The following CLEC9A variants were observed in gnomAD, a reference collection of about 807,000 sequenced individuals.
CLEC9A encodes C-type lectin domain family 9 member A.
CLEC9A carries 24 observed loss-of-function variants against 30.0 expected under a neutral mutation model. The observed-to-expected ratio is 0.80, with a 90% CI of 0.58 to 1.13. The LOEUF is 1.13. CLEC9A is among the 50% of genes most tolerant of loss of function. The probability of loss-of-function intolerance (pLI) is 0.00; values close to 1 mark genes in which losing one functional copy is unlikely to be tolerated. For synonymous variants in CLEC9A, 111 were observed against 96.8 expected, an observed-to-expected ratio of 1.15 and a Z score of -0.86; for missense variants, 251 against 280.9, an observed-to-expected ratio of 0.89 and a Z score of 0.76.
At chr12:10,043,148 G>C in intron 2 of CLEC9A, 1 of 354,434 alleles carries the variant, frequency 2.8e-6, no homozygotes, top group Admixed American at 3.6e-5. Flanking sequence ...ATAAAGCTTT[G>C]TCTTTATGTC....
rs1406959041 is a variant in CLEC9A, at chr12:10,061,181, A to G, written c.227A>G (p.Glu76Gly). Residue 76 changes from glutamate to glycine, a missense_variant, in exon 6 of 9, where the codon GAG becomes GGG. Physicochemically the swap from Glu to Gly is moderately conservative, Grantham distance 98. Coordinates refer to ENST00000355819, the MANE Select transcript of CLEC9A (RefSeq NM_207345.4). Reference sequence around the variant, plus strand: ...CAGCAAGAAAAACTCATCCAACAAGAGAGGGCACTGCTAAACTTTACAGAA... The same window carrying G: ...CAGCAAGAAAAACTCATCCAACAAGGGAGGGCACTGCTAAACTTTACAGAA... ...MQQQEKLIQQ[E>G]RALLNFTEWK... 1.2e-6 allele frequency: 2 copies of G among 1,613,352 alleles called. No individual in the cohort carries two copies. The highest frequency in any genetic ancestry group is 2.2e-5 in the South Asian group (2 of 90,910).
intron 7 of CLEC9A, among the ~76,000 whole-genome samples, chr12:10,063,949 C>T (rs1205409015): frequency 6.6e-6 from 1 of 151,940 alleles, no homozygotes; most frequent in East Asian, 1.9e-4. Flanking sequence ...TAGAGGTTTG[C>T]AATGAGCCGA....
intron 5 of CLEC9A, among the ~76,000 whole-genome samples, chr12:10,056,956 A>T (rs1865949152): frequency 1.3e-5 from 2 of 152,112 alleles, no homozygotes; most frequent in South Asian, 4.1e-4. Context: ...TACAGGCGTA[A>T]AGTATATTTT....
At chr12:10,050,819 A>G (rs547420624) in intron 2 of CLEC9A, among the ~76,000 whole-genome samples, 4 of 152,298 alleles carry the variant, frequency 2.6e-5, no homozygotes, top group African/African-American at 4.8e-5. Flanking sequence ...TTTCTCCTCA[A>G]GATAGAAGTG....
intron 6 of CLEC9A, 149 bp from the exon 7 acceptor site, chr12:10,062,906 A>G: frequency 4.2e-6 from 2 of 471,394 alleles, no homozygotes; most frequent in Non-Finnish European, 7.1e-6. Context: ...TGAGCCTCAG[A>G]GAAGCTGAAA....
At chr12:10,037,470 TGACTATGAAGAGGCCACC>T (rs148030309) in intron 1 of CLEC9A, among the ~76,000 whole-genome samples, 5,562 of 152,160 alleles carry the variant, frequency 0.037, 255 homozygotes, top group African/African-American at 0.1. Context: ...AGGAGGGCAC[TGACTATGAAGAGGCCACC>T]GACTATGAAG....
chr12:10,044,975 A>G (rs1303948355), intron 2 of CLEC9A, among the ~76,000 whole-genome samples: 1 of 152,246 alleles, frequency 6.6e-6, no homozygotes, highest in African/African-American at 2.4e-5. Context: ...AACAGCCATT[A>G]CAATACAGCA....
rs576159055 is a variant in CLEC9A, at chr12:10,065,711, A to T, written c.*79A>T. On this transcript the variant is annotated 3_prime_UTR_variant, in exon 9 of 9. Coordinates refer to ENST00000355819, the MANE Select transcript of CLEC9A (RefSeq NM_207345.4). ...GAAAACCCACCCCCACCCCCCCTCA[A>T]AAAAACAGAACAGTAAACCAAAATG... 13 of 1,491,094 alleles carry T rather than the reference A, an allele frequency of 8.7e-6. No homozygotes were observed. Among genetic ancestry groups the T allele is most frequent in the Non-Finnish European group, 1.1e-5 (12 of 1,117,594 alleles). 92.4% of individuals were successfully genotyped at this position (1,491,094 alleles called of 1,614,324 possible). A position where few individuals can be genotyped will look rare whatever the true frequency, so the allele number is the denominator to read the frequency against.
chr12:10,031,545 C>G (rs1317632760), intron 1 of CLEC9A, among the ~76,000 whole-genome samples: 1 of 152,150 alleles, frequency 6.6e-6, no homozygotes, highest in Non-Finnish European at 1.5e-5. Flanking sequence ...TGCTAATGGT[C>G]TTCGATATTG....
intron 2 of CLEC9A, among the ~76,000 whole-genome samples, chr12:10,044,579 C>T (rs531010481): frequency 2.0e-4 from 31 of 152,154 alleles, no homozygotes; most frequent in Non-Finnish European, 4.0e-4. Context: ...GCTCTGCCTC[C>T]ACAACTCCAT....
At chr12:10,031,285 C>A (rs149542425) in intron 1 of CLEC9A, among the ~76,000 whole-genome samples, 1 of 152,328 alleles carries the variant, frequency 6.6e-6, no homozygotes, top group Non-Finnish European at 1.5e-5. Context: ...ATACTGCAGG[C>A]AGTAGACAGC....
intron 5 of CLEC9A, among the ~76,000 whole-genome samples, chr12:10,056,672 T>A (rs1242691585): frequency 6.6e-6 from 1 of 152,124 alleles, no homozygotes; most frequent in Non-Finnish European, 1.5e-5. Flanking sequence ...ATAGTGACGA[T>A]GAGGAGAAAA....
intron 2 of CLEC9A, among the ~76,000 whole-genome samples, chr12:10,049,030 G>T (rs1248896980): frequency 6.6e-6 from 1 of 152,118 alleles, no homozygotes; most frequent in Non-Finnish European, 1.5e-5. Context: ...TTGATCCATT[G>T]GTTGCAGAAA....
chr12:10,047,719 G>A (rs1303785900), intron 2 of CLEC9A, among the ~76,000 whole-genome samples: 8 of 152,208 alleles, frequency 5.3e-5, no homozygotes, highest in African/African-American at 7.2e-5. Context: ...CTAAACTGTC[G>A]CCTATTGAGT....
rs78954009 is a variant in CLEC9A, at chr12:10,037,687, A to G, written c.-317-3779A>G. On this transcript the variant is annotated intron_variant, in intron 1 of 8. Coordinates refer to ENST00000355819, the MANE Select transcript of CLEC9A (RefSeq NM_207345.4). Reference sequence around the variant, plus strand: ...CACACAGTGGCCCCAGCTGGGAAGCAATTTTTTTTCTCAACATCGTTATAA... The same window carrying G: ...CACACAGTGGCCCCAGCTGGGAAGCGATTTTTTTTCTCAACATCGTTATAA... 3.0e-3 allele frequency among the ~76,000 whole-genome samples: 457 copies of G among 152,344 alleles called. 2 individuals are homozygous for G. Among genetic ancestry groups the G allele is most frequent in the African/African-American group, 0.011 (440 of 41,576 alleles).
chr12:10,032,743 C>G (rs187333118), intron 1 of CLEC9A, among the ~76,000 whole-genome samples: 2 of 152,172 alleles, frequency 1.3e-5, no homozygotes. Flanking sequence ...CTGGCACTAT[C>G]AATTTCTTTT....
intron 1 of CLEC9A, among the ~76,000 whole-genome samples, chr12:10,039,286 A>G (rs1261964929): frequency 1.3e-5 from 2 of 152,166 alleles, no homozygotes; most frequent in African/African-American, 4.8e-5. Context: ...GGCATATCCC[A>G]CTAAGCTTCT....
Position 10,032,460 on chromosome 12 carries a change from G to C in CLEC9A, c.-318+1488G>C, listed in dbSNP as rs573985064. 1.2e-3 allele frequency among the ~76,000 whole-genome samples: 168 copies of C among 136,162 alleles called. 1 individual carries two copies. Among genetic ancestry groups the C allele is most frequent in the Middle Eastern group, 5.1e-3 (1 of 198 alleles). 89.3% of individuals were successfully genotyped at this position (136,162 alleles called of 152,430 possible). ...GGCTGGACTGCAGTGGCGCAATCTCGGCTCACTGCAATCTCCGCCTCCCGG... is the reference window on the plus strand; with the variant it reads ...GGCTGGACTGCAGTGGCGCAATCTCCGCTCACTGCAATCTCCGCCTCCCGG... On this transcript the variant is annotated intron_variant, in intron 1 of 8. Coordinates refer to ENST00000355819, the MANE Select transcript of CLEC9A (RefSeq NM_207345.4).
rs1312410151 is a variant in CLEC9A, at chr12:10,043,766, C to G, written c.-163+2146C>G. ...GTGCGATCTTGGCTCAATGCAACCT[C>G]CACCTCCTGGGTTCAAGTGAGTCTC... On this transcript the variant is annotated intron_variant, in intron 2 of 8. Coordinates refer to ENST00000355819, the MANE Select transcript of CLEC9A (RefSeq NM_207345.4). Among the ~76,000 whole-genome samples, 4 of 152,080 alleles carry G rather than the reference C, an allele frequency of 2.6e-5. No individual in the cohort carries two copies. The East Asian group carries it at 7.7e-4, about 29-fold the overall frequency.
Sources: gnomAD v4.1 joint callset for allele counts (sites outside exome capture counted in the v4.1 genomes callset) on GRCh38, gnomAD v4.1.1 for gene constraint, MANE v1.5 for transcripts, NCBI Gene and HGNC (gene_info 2026-07-23, HGNC 2026-07-21) for gene names.